CDK14: variants seen among roughly 807,000 people sequenced by gnomAD.
CDK14 encodes cyclin dependent kinase 14, also known as cyclin-dependent kinase 14.
CDK14 carries 34 observed loss-of-function variants against 60.7 expected under a neutral mutation model. The ratio of observed to expected loss-of-function variants is 0.56; its 90% CI spans 0.43 to 0.75. CDK14 has a LOEUF of 0.75. CDK14 is among the 30% of genes least tolerant of loss of function. CDK14 has a pLI of 0.00. For missense variants in CDK14, 482 were observed against 564.1 expected (o/e 0.85, Z 1.47); for synonymous variants, 197 against 203.7 (o/e 0.97, Z 0.28).
At chr7:90,727,812 T>C (rs2116715769) in intron 3 of CDK14, among the ~76,000 whole-genome samples, 1 of 152,250 alleles carries the variant, frequency 6.6e-6, no homozygotes, top group Middle Eastern at 3.4e-3. Flanking sequence ...TATAGATTGG[T>C]TAACCTCTAA....
intron 14 of CDK14, among the ~76,000 whole-genome samples, chr7:91,121,350 G>A (rs533970574): frequency 1.2e-3 from 178 of 152,252 alleles, no homozygotes; most frequent in African/African-American, 4.1e-3. Context: ...AAACTGGGCC[G>A]GCCGGCATTT....
intron 11 of CDK14, among the ~76,000 whole-genome samples, chr7:91,063,645 A>T (rs1797876794): frequency 6.6e-6 from 1 of 152,210 alleles, no homozygotes; most frequent in African/African-American, 2.4e-5. Flanking sequence ...ACTCTCCACT[A>T]GTGTATTAGA....
intron 13 of CDK14, among the ~76,000 whole-genome samples, chr7:91,117,747 A>G (rs1799652118): frequency 1.3e-5 from 2 of 152,156 alleles, no homozygotes; most frequent in South Asian, 4.1e-4. Context: ...CTCAATAAAT[A>G]TTTTTCCAAT....
chr7:91,096,009 T>G (rs1283171414), intron 12 of CDK14, among the ~76,000 whole-genome samples: 1 of 130,998 alleles, frequency 7.6e-6, no homozygotes. Flanking sequence ...AATTGTACAC[T>G]TAAAATGATT....
intron 11 of CDK14, among the ~76,000 whole-genome samples, chr7:91,046,694 T>G (rs1463559175): frequency 6.6e-6 from 1 of 152,086 alleles, no homozygotes; most frequent in African/African-American, 2.4e-5. Context: ...GTTGTTGTGT[T>G]TTTTTTTCTT....
Position 90,957,566 on chromosome 7 carries a change from A to T in CDK14, c.947+1749A>T, listed in dbSNP as rs547441043. 1.1e-4 allele frequency among the ~76,000 whole-genome samples: 17 copies of T among 152,056 alleles called. No homozygotes were observed. In the South Asian group the frequency reaches 3.5e-3, roughly 32 times the overall value. On this transcript the variant is annotated intron_variant, in intron 9 of 14. Coordinates refer to ENST00000380050, the MANE Select transcript of CDK14 (RefSeq NM_001287135.2). ...ATTCTTATACACCAACAACAGACAA[A>T]CAGAGAGCCAAATCATGAGTGAACT...
intron 5 of CDK14, 51 bp from the exon 6 acceptor site, chr7:90,863,124 A>G: frequency 4.2e-6 from 4 of 956,274 alleles, no homozygotes; most frequent in Non-Finnish European, 6.7e-6. Flanking sequence ...GGTATATATT[A>G]GTTGATTGTT....
chr7:90,678,385 C>A (rs1331815012), intron 2 of CDK14, among the ~76,000 whole-genome samples: 1 of 152,118 alleles, frequency 6.6e-6, no homozygotes, highest in African/African-American at 2.4e-5. Flanking sequence ...ATAAACCTGA[C>A]CCAAAGCTTT....
In CDK14 at chr7:91,208,093, T is replaced by C. The variant is rs1802956319; in HGVS notation, c.*957T>C. On this transcript the variant is annotated 3_prime_UTR_variant, in exon 15 of 15. Transcript: ENST00000380050. The stretch of plus-strand genomic sequence containing the variant: ...GGCCTGTTAGGGCTTACAAAGTAAA[T>C]TACAAAGTGATCCAGTTCAAAGTTT... The C allele has an allele frequency of 6.6e-6, 1 of 152,580 alleles. No homozygotes were observed. Among genetic ancestry groups the C allele is most frequent in the African/African-American group, 2.4e-5 (1 of 41,442 alleles). 9.5% of individuals were successfully genotyped at this position (152,580 alleles called of 1,614,324 possible). A position where few individuals can be genotyped will look rare whatever the true frequency, so the allele number is the denominator to read the frequency against.
intron 7 of CDK14, among the ~76,000 whole-genome samples, chr7:90,911,930 G>A (rs1288003538): frequency 1.3e-5 from 2 of 152,174 alleles, no homozygotes; most frequent in South Asian, 2.1e-4. Flanking sequence ...CCATGGCACT[G>A]AGAATATGCT....
intron 2 of CDK14, chr7:90,709,387 CATG>C: frequency 7.3e-7 from 1 of 1,377,296 alleles, no homozygotes; most frequent in Non-Finnish European, 9.4e-7. Context: ...TTGAATTGAG[CATG>C]ATGAGGTGCA....
rs116726499 is a variant in CDK14 at position 91,167,856 on chromosome 7, T to G, written c.*29-39309T>G. On this transcript the variant is annotated intron_variant, in intron 14 of 14. Coordinates refer to ENST00000380050, the MANE Select transcript of CDK14 (RefSeq NM_001287135.2). ...CACATAGGGTAAAAAATGAAATTGT[T>G]GTGTAGAAGGTAGTTGGCTGTTCAC... Among the ~76,000 whole-genome samples the G allele has an allele frequency of 3.8e-3, 584 of 152,330 alleles. 5 individuals are homozygous for G. Among genetic ancestry groups the G allele is most frequent in the African/African-American group, 0.013 (550 of 41,578 alleles).
intron 3 of CDK14, among the ~76,000 whole-genome samples, chr7:90,728,391 T>G (rs1296926713): frequency 1.3e-5 from 2 of 152,048 alleles, no homozygotes; most frequent in Non-Finnish European, 2.9e-5. Context: ...TTCTTTTCCC[T>G]ATTATTTTAA....
chr7:90,925,441 A>G (rs1348350434), intron 8 of CDK14, among the ~76,000 whole-genome samples: 1 of 152,230 alleles, frequency 6.6e-6, no homozygotes, highest in Non-Finnish European at 1.5e-5. Flanking sequence ...AGGATGGAAA[A>G]CGATGGAAGA....
chr7:91,203,898 A>G (rs921920005), intron 14 of CDK14, among the ~76,000 whole-genome samples: 1 of 152,216 alleles, frequency 6.6e-6, no homozygotes, highest in African/African-American at 2.4e-5. Flanking sequence ...ATCAGAATGC[A>G]TAGTTACATG....
At chr7:91,174,466 T>A (rs1801654356) in intron 14 of CDK14, among the ~76,000 whole-genome samples, 1 of 151,856 alleles carries the variant, frequency 6.6e-6, no homozygotes, top group Admixed American at 6.6e-5. Flanking sequence ...AGAATGACTT[T>A]GACGAGCTGA....
intron 3 of CDK14, among the ~76,000 whole-genome samples, chr7:90,741,120 A>T (rs1250945672): frequency 1.3e-5 from 2 of 152,204 alleles, no homozygotes; most frequent in Non-Finnish European, 2.9e-5. Flanking sequence ...TATTGTGTCC[A>T]GCTGTGCAGA....
intron 4 of CDK14, among the ~76,000 whole-genome samples, chr7:90,786,026 C>A (rs1487001570): frequency 6.6e-6 from 1 of 152,142 alleles, no homozygotes; most frequent in Non-Finnish European, 1.5e-5. Flanking sequence ...CCACTCCTGC[C>A]CAGTGCAGTT....
intron 5 of CDK14, among the ~76,000 whole-genome samples, chr7:90,845,812 C>CA (rs1562796061): frequency 6.6e-6 from 1 of 152,034 alleles, no homozygotes; most frequent in Admixed American, 6.6e-5. Context: ...TCCTTGGTGA[C>CA]ACTATTATGT....
Sources: gnomAD v4.1 joint callset for allele counts (sites outside exome capture counted in the v4.1 genomes callset) on GRCh38, gnomAD v4.1.1 for gene constraint, MANE v1.5 for transcripts, NCBI Gene and HGNC (gene_info 2026-07-23, HGNC 2026-07-21) for gene names.